ZEB2: variants seen among roughly 807,000 people sequenced by gnomAD.
ZEB2 encodes zinc finger E-box-binding homeobox 2.
Under a neutral mutation model 99.9 loss-of-function variants are expected in ZEB2, and 6 were observed. That is an observed-to-expected ratio of 0.06 (90% CI 0.03 to 0.12). The LOEUF (loss-of-function observed/expected upper bound fraction) is 0.12. ZEB2 is among the 10% of genes least tolerant of loss of function. The probability of loss-of-function intolerance (pLI) is 1.00; values close to 1 mark genes in which losing one functional copy is unlikely to be tolerated. For synonymous variants in ZEB2, 517 were observed against 542.5 expected (o/e 0.95, Z 0.65); for missense variants, 969 against 1,502.8 (o/e 0.64, Z 5.87).
intron 2 of ZEB2, chr2:144,511,634 C>G: frequency 7.8e-7 from 1 of 1,286,722 alleles, no homozygotes; most frequent in Non-Finnish European, 1.0e-6. Context: ...ATAGATTTTC[C>G]AAGTGGTAAG....
rs114572103 is a variant in ZEB2 at position 144,474,343 on chromosome 2, C to G, written c.73+42935G>C. Among the ~76,000 whole-genome samples the G allele has an allele frequency of 1.4e-3, 211 of 152,308 alleles. 1 individual carries two copies. The highest frequency in any genetic ancestry group is 4.8e-3 in the African/African-American group (200 of 41,572). The stretch of plus-strand genomic sequence containing the variant: ...TCAAAGAATGTCAATGATGCTAACT[C>G]TTTTCCATGTTAGCACCTGGTCACA... On this transcript the variant is annotated intron_variant, in intron 2 of 9. Transcript: ENST00000627532.
At chr2:144,504,604 C>A (rs956676931) in intron 2 of ZEB2, 2 of 152,046 alleles carry the variant, frequency 1.3e-5, no homozygotes, top group South Asian at 2.1e-4. Flanking sequence ...TATGTCAAGT[C>A]GATTTTGCAC....
At chr2:144,460,007 G>A (rs1704170340) in intron 2 of ZEB2, among the ~76,000 whole-genome samples, 2 of 152,100 alleles carry the variant, frequency 1.3e-5, no homozygotes, top group South Asian at 4.1e-4. Context: ...GTTACCCTCC[G>A]AGCCAACAGG....
intron 3 of ZEB2, chr2:144,428,249 A>T (rs774466174): frequency 1.3e-5 from 2 of 152,206 alleles, no homozygotes; most frequent in Non-Finnish European, 2.9e-5. Context: ...GCTCATTTAA[A>T]TAGTATGTCT....
chr2:144,459,633 C>T (rs1704165360), intron 2 of ZEB2, among the ~76,000 whole-genome samples: 1 of 152,074 alleles, frequency 6.6e-6, no homozygotes, highest in African/African-American at 2.4e-5. Context: ...GTTGTAATTT[C>T]TTGTGGGAGA....
At chr2:144,437,996 CT>C (rs1703859713) in intron 2 of ZEB2, among the ~76,000 whole-genome samples, 3 of 152,170 alleles carry the variant, frequency 2.0e-5, no homozygotes, top group Admixed American at 6.5e-5. Flanking sequence ...CTGAAATACA[CT>C]TTTAGCTATT....
intron 2 of ZEB2, among the ~76,000 whole-genome samples, chr2:144,476,456 A>G (rs527300897): frequency 3.1e-4 from 47 of 152,352 alleles, no homozygotes; most frequent in African/African-American, 1.0e-3. Flanking sequence ...TGCAAATTCA[A>G]TTTCAAAGGA....
intron 6 of ZEB2, among the ~76,000 whole-genome samples, chr2:144,403,668 CAAGTTA>C (rs1015182663): frequency 5.9e-5 from 9 of 152,004 alleles, no homozygotes; most frequent in African/African-American, 2.2e-4. Context: ...AAACTAAAGT[CAAGTTA>C]AAGTGCAAAT....
At chr2:144,474,963 G>A (rs1704410941) in intron 2 of ZEB2, among the ~76,000 whole-genome samples, 1 of 152,130 alleles carries the variant, frequency 6.6e-6, no homozygotes. Context: ...GAAATTTTCT[G>A]TCATTCAAAG....
rs1573716167 is a variant in ZEB2 at position 144,399,102 on chromosome 2, T to C, written c.2085A>G (p.Arg695=). 1.2e-6 allele frequency: 2 copies of C among 1,614,164 alleles called. No homozygotes were observed. The highest frequency in any genetic ancestry group is 1.7e-6 in the Non-Finnish European group (2 of 1,180,026). Residue 695 remains arginine, a synonymous_variant, in exon 8 of 10, where the codon CGA becomes CGG. Transcript: ENST00000627532. The surrounding 1 kb of genome is among the most constrained non-coding windows in gnomAD (Gnocchi z 5.6). ...TGGAATTTGAGTACTGGTAGACTTTTCGTTGTTCAAACCATTCCTTCACAA... is the reference window on the plus strand; with the variant it reads ...TGGAATTTGAGTACTGGTAGACTTTCCGTTGTTCAAACCATTCCTTCACAA... ...QEFVKEWFEQ[R]KVYQYSNSRS...
At chr2:144,473,909 T>C (rs1704394635) in intron 2 of ZEB2, among the ~76,000 whole-genome samples, 1 of 152,216 alleles carries the variant, frequency 6.6e-6, no homozygotes, top group Non-Finnish European at 1.5e-5. Context: ...TAATGTAGCA[T>C]CAGTCTTTCG....
intron 2 of ZEB2, among the ~76,000 whole-genome samples, chr2:144,501,017 T>G (rs1309701923): frequency 1.3e-5 from 2 of 150,658 alleles, no homozygotes; most frequent in South Asian, 2.1e-4. Flanking sequence ...TGCAGATAAA[T>G]TCAAAGATCG....
intron 2 of ZEB2, among the ~76,000 whole-genome samples, chr2:144,440,515 ATTTTTTTTTTTTTT>A (rs201944188): frequency 2.5e-3 from 83 of 32,774 alleles, no homozygotes; most frequent in Admixed American, 3.6e-3. Context: ...ATATATATAT[ATTTTTTTTTTTTTT>A]TTTTTTTTTT....
chr2:144,409,415 G>A (rs1044266940), intron 4 of ZEB2, among the ~76,000 whole-genome samples: 4 of 152,206 alleles, frequency 2.6e-5, no homozygotes, highest in African/African-American at 9.6e-5. Flanking sequence ...ATTCTTCACT[G>A]CATTTTTCTA....
At chr2:144,423,175 C>G (rs1416528046) in intron 4 of ZEB2, among the ~76,000 whole-genome samples, 4 of 152,214 alleles carry the variant, frequency 2.6e-5, no homozygotes, top group Non-Finnish European at 4.4e-5. Flanking sequence ...ATTAACCTCA[C>G]TTTAAACTCT....
chr2:144,449,989 G>A (rs916721388), intron 2 of ZEB2, among the ~76,000 whole-genome samples: 2 of 152,146 alleles, frequency 1.3e-5, no homozygotes, highest in African/African-American at 2.4e-5. Flanking sequence ...ATTTTAGATG[G>A]CGTGTAATAG....
At chr2:144,451,578 A>G (rs898432579) in intron 2 of ZEB2, among the ~76,000 whole-genome samples, 1 of 152,194 alleles carries the variant, frequency 6.6e-6, no homozygotes, top group African/African-American at 2.4e-5. Flanking sequence ...ACATTTTAAA[A>G]CTTGGAAATC....
At position 144,404,855 on chromosome 2, in the gene ZEB2, G is replaced by A. The variant is rs750237985; in HGVS notation, c.573C>T (p.Ala191=). Residue 191 remains alanine, a synonymous_variant, in exon 5 of 10, where the codon GCC becomes GCT. Transcript: ENST00000627532. The part of the protein sequence containing the change: ...EELSRLGTPE[A]NGQEENDLPP... ...CCTCACCATTTTCTTCTTGCCCATT[G>A]GCCTCTGGCGTGCCAAGGCGAGACA... 1 of 1,614,050 alleles carries A rather than the reference G, an allele frequency of 6.2e-7. No individual in the cohort carries two copies. The highest frequency in any genetic ancestry group is 8.5e-7 in the Non-Finnish European group (1 of 1,179,960).
intron 2 of ZEB2, among the ~76,000 whole-genome samples, chr2:144,432,060 C>T (rs1479529696): frequency 1.3e-5 from 2 of 151,128 alleles, no homozygotes; most frequent in African/African-American, 2.4e-5. Context: ...CACAATATCC[C>T]GTGTGACACG....
Sources: allele counts gnomAD v4.1 joint callset (sites outside exome capture counted in the v4.1 genomes callset), GRCh38; gene constraint gnomAD v4.1.1; non-coding constraint Gnocchi (gnomAD v3.1); transcripts MANE v1.5; gene names NCBI Gene and HGNC (gene_info 2026-07-23, HGNC 2026-07-21).